Variants in IFNGR1 observed in about 807,000 individuals in gnomAD.
IFNGR1 encodes the protein interferon gamma receptor 1.
Under a neutral mutation model 35.4 loss-of-function variants are expected in IFNGR1, and 23 were observed. The observed-to-expected ratio is 0.65, with a 90% confidence interval of 0.47 to 0.92. The LOEUF (loss-of-function observed/expected upper bound fraction) is 0.92. Among genes scored for constraint, IFNGR1 ranks in the 40% least tolerant of loss-of-function variants. IFNGR1 has a pLI of 0.00. For synonymous variants in IFNGR1, 199 were observed against 209.5 expected, an observed-to-expected ratio of 0.95 and a Z score of 0.43; for missense variants, 533 against 583.4, an observed-to-expected ratio of 0.91 and a Z score of 0.89.
intron 1 of IFNGR1, 97 bp from the exon 2 acceptor site, chr6:137,207,174 T>C: frequency 4.1e-6 from 6 of 1,477,104 alleles, no homozygotes; most frequent in South Asian, 3.9e-5. Context: ...CAGATATGTA[T>C]ATTTGAAGAA....
intron 6 of IFNGR1, among the ~76,000 whole-genome samples, chr6:137,199,534 TA>T: frequency 2.0e-5 from 2 of 98,242 alleles, no homozygotes; most frequent in Admixed American, 3.4e-4. Context: ...ATATAATATA[TA>T]ATATATATTA....
rs2114478488 is a variant in IFNGR1 at position 137,204,352 on chromosome 6, C to T, written c.526G>A (p.Val176Met). The T allele has an allele frequency of 1.2e-6, 2 of 1,613,846 alleles. No individual in the cohort carries two copies. Among genetic ancestry groups the T allele is most frequent in the South Asian group, 2.2e-5 (2 of 91,078 alleles). Residue 176 changes from valine to methionine, a missense_variant, in exon 4 of 7, where the codon GTG becomes ATG. Coordinates refer to ENST00000367739, the MANE Select transcript of IFNGR1 (RefSeq NM_000416.3). ...CATACCTCACTTCCGTTCATTCTCA[C>T]ATACACATTGTACACCCTAATGTAA... is the stretch of plus-strand genomic sequence containing the variant. ...TCYIRVYNVYVRMNGSEIQYK... is the reference protein window; with the variant it reads ...TCYIRVYNVYMRMNGSEIQYK...
chr6:137,199,557 A>ATAT (rs1582630035), intron 6 of IFNGR1, among the ~76,000 whole-genome samples: 12 of 29,116 alleles, frequency 4.1e-4, no homozygotes, highest in Admixed American at 5.6e-4. Context: ...ATAACATATA[A>ATAT]AATATATATA....
At chr6:137,218,230 C>T (rs1779753740) in intron 1 of IFNGR1, among the ~76,000 whole-genome samples, 2 of 152,140 alleles carry the variant, frequency 1.3e-5, no homozygotes, top group South Asian at 4.1e-4. Flanking sequence ...TTGTTGTGAA[C>T]ACAGAACCAA....
intron 4 of IFNGR1, 67 bp downstream of exon 4, chr6:137,204,265 C>A: frequency 7.7e-7 from 1 of 1,297,248 alleles, no homozygotes; most frequent in Admixed American, 1.7e-5. Flanking sequence ...TTTCATTACA[C>A]TACAGAAAGG....
intron 1 of IFNGR1, among the ~76,000 whole-genome samples, chr6:137,210,798 A>G (rs1248220343): frequency 6.6e-6 from 1 of 152,208 alleles, no homozygotes; most frequent in Non-Finnish European, 1.5e-5. Flanking sequence ...TATCCCTAAG[A>G]TATTTGCTTA....
chr6:137,215,511 C>A (rs2114515731), intron 1 of IFNGR1: 1 of 484,254 alleles, frequency 2.1e-6, no homozygotes, highest in South Asian at 5.2e-5. Context: ...AAGAAAATTA[C>A]AAGTAAATTC....
In IFNGR1 at chr6:137,200,945, A is replaced by G; in HGVS notation, c.797T>C (p.Ile266Thr). The G allele has an allele frequency of 6.2e-7, 1 of 1,611,434 alleles. No homozygotes were observed. ...ATTAATTTTCTTAATATAAAAACAGATGAATACCAGGCTAAGCACTAGAAA... is the reference window on the plus strand; with the variant it reads ...ATTAATTTTCTTAATATAAAAACAGGTGAATACCAGGCTAAGCACTAGAAA... Reference protein sequence around the residue: ...LLFLVLSLVFICFYIKKINPL... With the variant: ...LLFLVLSLVFTCFYIKKINPL... Residue 266 changes from isoleucine to threonine, a missense_variant, in exon 6 of 7, where the codon ATC becomes ACC. By Grantham distance (89) the Ile-to-Thr change is moderately conservative. Coordinates refer to ENST00000367739, the MANE Select transcript of IFNGR1 (RefSeq NM_000416.3).
intron 1 of IFNGR1, among the ~76,000 whole-genome samples, chr6:137,213,060 AAT>A (rs1256528899): frequency 1.3e-5 from 2 of 152,368 alleles, no homozygotes; most frequent in Admixed American, 6.5e-5. Flanking sequence ...TTGCCAAAAT[AAT>A]ATGACAGACA....
chr6:137,210,088 C>A (rs1375569173), intron 1 of IFNGR1: 2 of 372,898 alleles, frequency 5.4e-6, no homozygotes, highest in Admixed American at 4.6e-5. Context: ...CGGTGGCCCA[C>A]ACCTGTAATC....
At position 137,204,195 on chromosome 6, in the gene IFNGR1, T is replaced by C. The variant is rs1779369316; in HGVS notation, c.546+137A>G. 4 of 745,316 alleles carry C rather than the reference T, an allele frequency of 5.4e-6. No individual in the cohort carries two copies. The Admixed American group carries it at 6.6e-5, about 12-fold the overall frequency. 46.2% of individuals were successfully genotyped at this position (745,316 alleles called of 1,614,324 possible). On this transcript the variant is annotated intron_variant, in intron 4 of 6. Transcript: ENST00000367739. ...CATTTTTGCTTTAATAGCATTCACA[T>C]ATTTTTCTTATCAAATCTATGATCT...
chr6:137,214,041 G>A (rs1269783595), intron 1 of IFNGR1, among the ~76,000 whole-genome samples: 2 of 152,318 alleles, frequency 1.3e-5, no homozygotes, highest in African/African-American at 4.8e-5. Context: ...AGGAAGTGAG[G>A]ATGAAGTAAA....
Position 137,197,890 on chromosome 6 carries a change from A to T in IFNGR1, c.*141T>A. 9.0e-7 allele frequency: 1 copy of T among 1,110,494 alleles called. No individual in the cohort carries two copies. The highest frequency in any genetic ancestry group is 1.3e-6 in the Non-Finnish European group (1 of 757,490). 68.8% of individuals were successfully genotyped at this position (1,110,494 alleles called of 1,614,324 possible). A position where few individuals can be genotyped will look rare whatever the true frequency, so the allele number is the denominator to read the frequency against. Reference sequence around the variant, plus strand: ...AGTGAAAATGCCACACATCCTCTTTACGCTTTCATGTACACTAAGTCACTC... The same window carrying T: ...AGTGAAAATGCCACACATCCTCTTTTCGCTTTCATGTACACTAAGTCACTC... On this transcript the variant is annotated 3_prime_UTR_variant, in exon 7 of 7. Transcript: ENST00000367739.
chr6:137,208,399 G>GCCATT (rs1414460082), intron 1 of IFNGR1, among the ~76,000 whole-genome samples: 1 of 152,224 alleles, frequency 6.6e-6, no homozygotes, highest in Non-Finnish European at 1.5e-5. Flanking sequence ...TCCAGGCCAT[G>GCCATT]TCAGAGACAT....
chr6:137,200,168 T>C (rs971357312), intron 6 of IFNGR1, among the ~76,000 whole-genome samples: 6 of 152,222 alleles, frequency 3.9e-5, no homozygotes, highest in Non-Finnish European at 7.3e-5. Context: ...AGTTGACTAC[T>C]AACTGTTGAG....
intron 1 of IFNGR1, chr6:137,209,845 G>A (rs1043142122): frequency 7.5e-6 from 3 of 398,506 alleles, no homozygotes; most frequent in Non-Finnish European, 1.3e-5. Context: ...TACAGGAATA[G>A]ATACCTAAAG....
chr6:137,213,817 G>C (rs1384697855), intron 1 of IFNGR1, among the ~76,000 whole-genome samples: 1 of 152,210 alleles, frequency 6.6e-6, no homozygotes, highest in Non-Finnish European at 1.5e-5. Flanking sequence ...AACCAGGGCT[G>C]CTACCTGAGT....
intron 1 of IFNGR1, among the ~76,000 whole-genome samples, chr6:137,213,577 G>C (rs975195978): frequency 2.0e-5 from 3 of 152,192 alleles, no homozygotes; most frequent in Admixed American, 6.5e-5. Flanking sequence ...AGCCAGAAGA[G>C]ACAGGATATG....
At chr6:137,218,951 T>C (rs1187376392) in intron 1 of IFNGR1, 11 of 517,152 alleles carry the variant, frequency 2.1e-5, no homozygotes, top group Non-Finnish European at 3.2e-5. Flanking sequence ...AACGTCCTTC[T>C]GCAGCGCATA....
Sources: allele counts gnomAD v4.1 joint callset (sites outside exome capture counted in the v4.1 genomes callset), GRCh38; gene constraint gnomAD v4.1.1; transcripts MANE v1.5; gene names NCBI Gene and HGNC (gene_info 2026-07-23, HGNC 2026-07-21).